DYNC1H1: variants seen among roughly 807,000 people sequenced by gnomAD.
DYNC1H1 encodes the protein dynein cytoplasmic 1 heavy chain 1.
A neutral mutation model predicts 527.1 loss-of-function variants in DYNC1H1; 51 were observed. The observed-to-expected ratio is 0.10, with a 90% CI of 0.08 to 0.12. The LOEUF (loss-of-function observed/expected upper bound fraction) is 0.12. Ranked by LOEUF, DYNC1H1 falls within the 10% of genes least tolerant of loss-of-function variation. The pLI, the probability that DYNC1H1 is intolerant of heterozygous loss-of-function variation, is 1.00. For missense variants in DYNC1H1, 2,771 were observed against 5,971.8 expected, an observed-to-expected ratio of 0.46 and a Z score of 17.66; for synonymous variants, 2,189 against 2,278.8, an observed-to-expected ratio of 0.96 and a Z score of 1.12.
In DYNC1H1 at chr14:101,983,352, A is replaced by G. The variant is rs763692588; in HGVS notation, c.1234-30A>G. Reference sequence around the variant, plus strand: ...ATTGAGATGAAAATATGTCTTAATAATAAGCCTCACTTTTGAAATTATATC... The same window carrying G: ...ATTGAGATGAAAATATGTCTTAATAGTAAGCCTCACTTTTGAAATTATATC... On this transcript the variant is annotated intron_variant, in intron 6 of 77. Coordinates refer to ENST00000360184, the MANE Select transcript of DYNC1H1 (RefSeq NM_001376.5). The surrounding 1 kb of genome is among the most constrained non-coding windows in gnomAD (Gnocchi z 5.3). The G allele has an allele frequency of 6.2e-7, 1 of 1,614,128 alleles. No homozygotes were observed. Among genetic ancestry groups the G allele is most frequent in the Non-Finnish European group, 8.5e-7 (1 of 1,179,958 alleles).
chr14:101,990,834 C>CA (rs2047989206), intron 10 of DYNC1H1, among the ~76,000 whole-genome samples: 5 of 152,008 alleles, frequency 3.3e-5, no homozygotes, highest in African/African-American at 1.2e-4. Context: ...CATGGTGAAA[C>CA]CCCATCTCTA....
chr14:101,968,154 T>C (rs71424492), intron 1 of DYNC1H1, among the ~76,000 whole-genome samples: 3,533 of 152,338 alleles, frequency 0.023, 74 homozygotes, highest in Non-Finnish European at 0.031. Flanking sequence ...TTGCAGCTGA[T>C]GGAACTGACA....
rs923934235 is a variant in DYNC1H1, at chr14:102,036,876, C to A, written c.10908+234C>A. On this transcript the variant is annotated intron_variant, in intron 57 of 77. Coordinates refer to ENST00000360184, the MANE Select transcript of DYNC1H1 (RefSeq NM_001376.5). The surrounding 1 kb of genome is among the most constrained non-coding windows in gnomAD (Gnocchi z 5.6). The stretch of plus-strand genomic sequence containing the variant: ...ATCTCAGCACTTTGGGAGGCCGAGG[C>A]GGGTGGATCATCTAAGGTCAGGAAT... 2.2e-6 allele frequency: 1 copy of A among 451,608 alleles called. No individual in the cohort carries two copies. The highest frequency in any genetic ancestry group is 2.0e-5 in the African/African-American group (1 of 49,876). The allele number at this position is 451,608 out of a possible 1,614,324, so 28.0% of individuals were successfully genotyped here.
intron 2 of DYNC1H1, among the ~76,000 whole-genome samples, chr14:101,978,449 A>C (rs2047826990): frequency 6.6e-6 from 1 of 152,218 alleles, no homozygotes; most frequent in Admixed American, 6.5e-5. Context: ...CTGGGATTAC[A>C]GGCGTGAACC....
intron 72 of DYNC1H1, 197 bp from the exon 73 acceptor site, chr14:102,047,620 C>CTTAT (rs1555412487): frequency 3.3e-6 from 1 of 300,668 alleles, no homozygotes; most frequent in African/African-American, 3.9e-5. Flanking sequence ...TATATATACA[C>CTTAT]GTGTGTGTGT....
intron 5 of DYNC1H1, 52 bp downstream of exon 5, chr14:101,980,602 C>T (rs979238607): frequency 3.2e-6 from 5 of 1,586,592 alleles, no homozygotes; most frequent in Admixed American, 1.7e-5. Flanking sequence ...CTGGCTTTTA[C>T]GAGATCTTAC....
chr14:102,040,566 C>CT (rs2048636624), intron 63 of DYNC1H1, 32 bp from the exon 64 acceptor site: 2 of 1,613,916 alleles, frequency 1.2e-6, no homozygotes, highest in African/African-American at 2.7e-5. Context: ...GCCAGCCCTG[C>CT]TCCATGGGTG....
At chr14:102,034,952 C>T (rs1218258761) in intron 56 of DYNC1H1, 6 of 242,598 alleles carry the variant, frequency 2.5e-5, no homozygotes, top group Non-Finnish European at 3.2e-5. Context: ...AAAAATAGGC[C>T]GGGCACAGTG....
Position 102,020,061 on chromosome 14 carries a change from G to C in DYNC1H1, c.8507+5G>C, listed in dbSNP as rs372499971. On this transcript the variant is annotated splice_donor_5th_base_variant and intron_variant, in intron 42 of 77. Coordinates refer to ENST00000360184, the MANE Select transcript of DYNC1H1 (RefSeq NM_001376.5). This position sits in a 1 kb window ranked among gnomAD's most constrained non-coding sequence, Gnocchi z 4.3. ...TCTGCGTCTCTTCCAAGATAGGTAAGGGAAGCCGAGGATCCAGTTGGTCCC... is the reference window on the plus strand; with the variant it reads ...TCTGCGTCTCTTCCAAGATAGGTAACGGAAGCCGAGGATCCAGTTGGTCCC... 6.2e-7 allele frequency: 1 copy of C among 1,613,918 alleles called. No individual in the cohort carries two copies. The highest frequency in any genetic ancestry group is 1.3e-5 in the African/African-American group (1 of 74,934).
In DYNC1H1 at chr14:102,033,791, T is replaced by C; in HGVS notation, c.10414-185T>C. 2 of 723,398 alleles carry C rather than the reference T, an allele frequency of 2.8e-6. No homozygotes were observed. Among genetic ancestry groups the C allele is most frequent in the Non-Finnish European group, 2.3e-6 (1 of 430,232 alleles). 44.8% of individuals were successfully genotyped at this position (723,398 alleles called of 1,614,324 possible). On this transcript the variant is annotated intron_variant, in intron 54 of 77. Coordinates refer to ENST00000360184, the MANE Select transcript of DYNC1H1 (RefSeq NM_001376.5). The surrounding 1 kb of genome is among the most constrained non-coding windows in gnomAD (Gnocchi z 5.6). ...CCCAGCTTCTGCCCCGCTGAGATTC[T>C]GAGTCGTGTGTGGTCATTAGTTATA...
chr14:102,009,974 C>T lies in DYNC1H1; in HGVS notation c.6109C>T (p.Arg2037Trp), dbSNP rs2048239679. 1 of 1,614,088 alleles carries T rather than the reference C, an allele frequency of 6.2e-7. No individual in the cohort carries two copies. The highest frequency in any genetic ancestry group is 8.5e-7 in the Non-Finnish European group (1 of 1,180,030). Residue 2037 changes from arginine (R) to tryptophan (W), a missense_variant, in exon 30 of 78, where the codon CGG becomes TGG. Coordinates refer to ENST00000360184, the MANE Select transcript of DYNC1H1 (RefSeq NM_001376.5). Reference sequence around the variant, plus strand: ...TCCTGACAACTTGAAGAAGCTGTTCCGGAGCTTGGCCATGACCAAGCCCGA... The same window carrying T: ...TCCTGACAACTTGAAGAAGCTGTTCTGGAGCTTGGCCATGACCAAGCCCGA... ...NLPDNLKKLF[R>W]SLAMTKPDRQ... is the part of the protein sequence containing the mutation.
intron 34 of DYNC1H1, 147 bp from the exon 35 acceptor site, chr14:102,014,958 G>A: frequency 2.3e-6 from 2 of 874,520 alleles, no homozygotes; most frequent in Admixed American, 4.2e-5. Flanking sequence ...TGCAATTACA[G>A]GCACACGCCA....
chr14:102,023,515 C>G (rs1013957445), intron 43 of DYNC1H1: 1 of 168,556 alleles, frequency 5.9e-6, no homozygotes, highest in Non-Finnish European at 1.3e-5. Context: ...CGCCATTGCA[C>G]TGCAGCCTCA....
chr14:102,043,688 T>C, intron 69 of DYNC1H1, 187 bp from the exon 70 acceptor site: 1 of 694,502 alleles, frequency 1.4e-6, no homozygotes, highest in Non-Finnish European at 2.5e-6. Context: ...ATGGTCTCAT[T>C]GGATGACACG....
chr14:102,041,347 T>G lies in DYNC1H1; in HGVS notation c.11942-227T>G, dbSNP rs2048646926. 1 of 642,186 alleles carries G rather than the reference T, an allele frequency of 1.6e-6. No homozygotes were observed. Among genetic ancestry groups the G allele is most frequent in the African/African-American group, 1.8e-5 (1 of 54,930 alleles). The allele number at this position is 642,186 out of a possible 1,614,324, so 39.8% of individuals were successfully genotyped here. On this transcript the variant is annotated intron_variant, in intron 64 of 77. Transcript: ENST00000360184. This position sits in a 1 kb window ranked among gnomAD's most constrained non-coding sequence, Gnocchi z 4.5. ...GTTTAGTAATCTAAAAATCAGCAAATGGCACCTTTGTCCTATGGATACATC... is the reference window on the plus strand; with the variant it reads ...GTTTAGTAATCTAAAAATCAGCAAAGGGCACCTTTGTCCTATGGATACATC...
Position 102,011,428 on chromosome 14 carries a change from C to T in DYNC1H1, c.6619-447C>T. On this transcript the variant is annotated intron_variant, in intron 32 of 77. Coordinates refer to ENST00000360184, the MANE Select transcript of DYNC1H1 (RefSeq NM_001376.5). The surrounding 1 kb of genome is among the most constrained non-coding windows in gnomAD (Gnocchi z 5.3). Reference sequence around the variant, plus strand: ...TGAACACATAGCTCATCCATTGGGTCTCTTGTTGTCCTCGGCGGGATCTGA... The same window carrying T: ...TGAACACATAGCTCATCCATTGGGTTTCTTGTTGTCCTCGGCGGGATCTGA... 2 of 342,414 alleles carry T rather than the reference C, an allele frequency of 5.8e-6. No individual in the cohort carries two copies. The highest frequency in any genetic ancestry group is 4.3e-5 in the Admixed American group (1 of 23,142). The allele number at this position is 342,414 out of a possible 1,614,324, so 21.2% of individuals were successfully genotyped here.
intron 7 of DYNC1H1, among the ~76,000 whole-genome samples, chr14:101,984,307 T>C (rs1595599817): frequency 2.0e-5 from 3 of 151,938 alleles, no homozygotes; most frequent in Admixed American, 6.6e-5. Flanking sequence ...ATTGTTTTAA[T>C]GTGTTTTTTG....
In DYNC1H1 at chr14:102,031,364, A is replaced by G. The variant is rs998947630; in HGVS notation, c.9884-908A>G. ...ATCCTCCCACCTGAGCCTCCTGAGTAGCTGGAACTATAGGTGCGCGCCGCC... is the reference window on the plus strand; with the variant it reads ...ATCCTCCCACCTGAGCCTCCTGAGTGGCTGGAACTATAGGTGCGCGCCGCC... On this transcript the variant is annotated intron_variant, in intron 51 of 77. Transcript: ENST00000360184. 2.6e-5 allele frequency among the ~76,000 whole-genome samples: 4 copies of G among 152,192 alleles called. No individual in the cohort carries two copies. The South Asian group carries it at 8.3e-4, about 32-fold the overall frequency.
intron 1 of DYNC1H1, among the ~76,000 whole-genome samples, chr14:101,970,129 G>A (rs2047714749): frequency 1.3e-5 from 2 of 151,874 alleles, no homozygotes; most frequent in African/African-American, 4.8e-5. Flanking sequence ...TTTTCTTTTC[G>A]GGAAATACCA....
Sources: gnomAD v4.1 joint callset for allele counts (sites outside exome capture counted in the v4.1 genomes callset) on GRCh38, gnomAD v4.1.1 for gene constraint, Gnocchi (gnomAD v3.1) non-coding constraint, MANE v1.5 for transcripts, NCBI Gene and HGNC (gene_info 2026-07-23, HGNC 2026-07-21) for gene names.